ARHGEF7: variants seen among roughly 807,000 people sequenced by gnomAD.
The protein encoded by ARHGEF7 is PAK-interacting exchange factor beta.
Under a neutral mutation model 109.8 loss-of-function variants are expected in ARHGEF7, and 33 were observed. The observed-to-expected ratio is 0.30, with a 90% CI of 0.23 to 0.40. The LOEUF (loss-of-function observed/expected upper bound fraction) is 0.40. Ranked by LOEUF, ARHGEF7 falls within the 10% of genes least tolerant of loss-of-function variation. The pLI, the probability that ARHGEF7 is intolerant of heterozygous loss-of-function variation, is 1.00. For missense variants in ARHGEF7, 938 were observed against 1,098.5 expected, an observed-to-expected ratio of 0.85 and a Z score of 2.07; for synonymous variants, 458 against 424.6, an observed-to-expected ratio of 1.08 and a Z score of -0.97.
rs1439177615 is a variant in ARHGEF7 at position 111,273,409 on chromosome 13, C to T, written c.1074-405C>T. Among the ~76,000 whole-genome samples the T allele has an allele frequency of 6.6e-6, 1 of 152,228 alleles. No homozygotes were observed. Among genetic ancestry groups the T allele is most frequent in the African/African-American group, 2.4e-5 (1 of 41,458 alleles). The stretch of plus-strand genomic sequence containing the variant: ...GATGACTACCATCAGTGTGCTCTAG[C>T]TCTTTACCGGAGCAGCTCGGTCCTT... On this transcript the variant is annotated intron_variant, in intron 9 of 21. Transcript: ENST00000646102. The surrounding 1 kb of genome is among the most constrained non-coding windows in gnomAD (Gnocchi z 4.5).
In ARHGEF7 at chr13:111,167,034, G is replaced by A. The variant is rs185448432; in HGVS notation, c.252+13043G>A. On this transcript the variant is annotated intron_variant, in intron 2 of 21. Coordinates refer to ENST00000646102, the MANE Select transcript of ARHGEF7 (RefSeq NM_001354046.2). ...CCAGAACATTTTAGGCCCGCTAGAC[G>A]TGCGTACTGACGTTGCTCATTTCCT... 3.6e-3 allele frequency among the ~76,000 whole-genome samples: 545 copies of A among 152,256 alleles called. 2 individuals carry two copies. The highest frequency in any genetic ancestry group is 0.011 in the African/African-American group (439 of 41,530).
intron 8 of ARHGEF7, among the ~76,000 whole-genome samples, chr13:111,247,614 A>G (rs190938740): frequency 8.4e-4 from 127 of 151,762 alleles, no homozygotes; most frequent in African/African-American, 2.9e-3. Context: ...TCGTCTCTAC[A>G]CAGACTTGAT....
intron 1 of ARHGEF7, among the ~76,000 whole-genome samples, chr13:111,121,310 C>T (rs1189630836): frequency 1.3e-5 from 2 of 152,210 alleles, no homozygotes; most frequent in Admixed American, 6.5e-5. Context: ...CCTGTACCAT[C>T]CAATAACTCA....
intron 8 of ARHGEF7, among the ~76,000 whole-genome samples, chr13:111,256,425 C>T (rs184215507): frequency 5.9e-5 from 9 of 152,324 alleles, no homozygotes; most frequent in Admixed American, 3.3e-4. Context: ...GAGCCTGCTC[C>T]GGTTCTCAGT....
chr13:111,273,278 C>G lies in ARHGEF7; in HGVS notation c.1074-536C>G, dbSNP rs1485764102. On this transcript the variant is annotated intron_variant, in intron 9 of 21. Transcript: ENST00000646102. This position sits in a 1 kb window ranked among gnomAD's most constrained non-coding sequence, Gnocchi z 4.5. Reference sequence around the variant, plus strand: ...CCTAAATCAGCGTTTGCTCTCTTCTCTTGCTGCTTCTCGTGCTCCTCACCC... The same window carrying G: ...CCTAAATCAGCGTTTGCTCTCTTCTGTTGCTGCTTCTCGTGCTCCTCACCC... 1.3e-5 allele frequency among the ~76,000 whole-genome samples: 2 copies of G among 152,224 alleles called. No homozygotes were observed. Among genetic ancestry groups the G allele is most frequent in the African/African-American group, 2.4e-5 (1 of 41,464 alleles).
chr13:111,216,929 T>C (rs906481646), intron 4 of ARHGEF7, among the ~76,000 whole-genome samples: 13 of 152,370 alleles, frequency 8.5e-5, no homozygotes, highest in African/African-American at 1.7e-4. Flanking sequence ...TCTGAAAATA[T>C]GCACAGTTTC....
chr13:111,247,678 G>C (rs143515390), intron 8 of ARHGEF7, among the ~76,000 whole-genome samples: 103 of 152,254 alleles, frequency 6.8e-4, no homozygotes, highest in African/African-American at 2.3e-3. Flanking sequence ...CCAGGAGTTG[G>C]CAAACTATGG....
intron 15 of ARHGEF7, among the ~76,000 whole-genome samples, chr13:111,281,489 T>C (rs1432364654): frequency 6.6e-6 from 1 of 152,222 alleles, no homozygotes; most frequent in African/African-American, 2.4e-5. Flanking sequence ...CAAGAAGGAT[T>C]GCTGTACTCT....
At chr13:111,292,045 G>T (rs2093304440) in intron 18 of ARHGEF7, 73 bp from the exon 19 acceptor site, 11 of 1,289,188 alleles carry the variant, frequency 8.5e-6, no homozygotes, top group South Asian at 2.6e-5. Context: ...CCATGTTTTG[G>T]TTGTGGCTCT....
chr13:111,129,697 C>A (rs749543021), intron 1 of ARHGEF7, among the ~76,000 whole-genome samples: 6 of 152,182 alleles, frequency 3.9e-5, no homozygotes, highest in African/African-American at 1.4e-4. Context: ...CGTATCATCA[C>A]GGCTGAAATC....
chr13:111,141,215 T>G (rs905198884), intron 1 of ARHGEF7, among the ~76,000 whole-genome samples: 7 of 152,138 alleles, frequency 4.6e-5, no homozygotes, highest in Admixed American at 4.6e-4. Context: ...GTTCTGTGGG[T>G]TTTGACAAGT....
chr13:111,143,021 C>G (rs984956465), intron 1 of ARHGEF7, among the ~76,000 whole-genome samples: 4 of 152,176 alleles, frequency 2.6e-5, no homozygotes, highest in South Asian at 4.1e-4. Context: ...GTGTGTGGAG[C>G]TGGGTGGCAG....
intron 1 of ARHGEF7, chr13:111,116,707 T>C (rs2066813034): frequency 6.6e-6 from 1 of 151,890 alleles, no homozygotes; most frequent in South Asian, 2.1e-4. Context: ...CCATACAGGA[T>C]GACAACAACT....
Position 111,293,084 on chromosome 13 carries a change from A to T in ARHGEF7, c.2311+790A>T, listed in dbSNP as rs548045329. 111 of 985,446 alleles carry T rather than the reference A, an allele frequency of 1.1e-4. No homozygotes were observed. In the African/African-American group the frequency reaches 1.7e-3, roughly 15 times the overall value. 61.0% of individuals were successfully genotyped at this position (985,446 alleles called of 1,614,324 possible). ...TCCCTGAATTGCAGTGATTTCTGTT[A>T]TAAGGCACATAGCAAGCCTGTACCA... On this transcript the variant is annotated intron_variant, in intron 19 of 21. Coordinates refer to ENST00000646102, the MANE Select transcript of ARHGEF7 (RefSeq NM_001354046.2).
At chr13:111,292,882 TG>T in intron 19 of ARHGEF7, 1 of 988,486 alleles carries the variant, frequency 1.0e-6, no homozygotes, top group Non-Finnish European at 1.2e-6. Flanking sequence ...ATGTGGGCTC[TG>T]GGCCTTGGCA....
chr13:111,171,936 C>T (rs1236135972), intron 2 of ARHGEF7, among the ~76,000 whole-genome samples: 1 of 152,182 alleles, frequency 6.6e-6, no homozygotes, highest in Non-Finnish European at 1.5e-5. Context: ...GAAACAGGCC[C>T]TCACCAAATA....
chr13:111,270,776 T>C (rs1181111108), intron 9 of ARHGEF7, among the ~76,000 whole-genome samples: 1 of 152,220 alleles, frequency 6.6e-6, no homozygotes, highest in Non-Finnish European at 1.5e-5. Context: ...ATTTTTAGTA[T>C]CATAAAGTTT....
chr13:111,172,155 C>G (rs555112586), intron 2 of ARHGEF7, among the ~76,000 whole-genome samples: 9 of 152,322 alleles, frequency 5.9e-5, no homozygotes, highest in Non-Finnish European at 1.2e-4. Flanking sequence ...ACGTAAGTAG[C>G]TCTTACAAGC....
intron 8 of ARHGEF7, among the ~76,000 whole-genome samples, chr13:111,250,694 CTA>C (rs2089636435): frequency 6.6e-6 from 1 of 152,188 alleles, no homozygotes; most frequent in Non-Finnish European, 1.5e-5. Context: ...GGTGCCCAAG[CTA>C]TATACTCCTA....
Sources: allele counts gnomAD v4.1 joint callset (sites outside exome capture counted in the v4.1 genomes callset), GRCh38; gene constraint gnomAD v4.1.1; non-coding constraint Gnocchi (gnomAD v3.1); transcripts MANE v1.5; gene names NCBI Gene and HGNC (gene_info 2026-07-23, HGNC 2026-07-21).